Variants in STPG2 observed in about 807,000 individuals in gnomAD.
The protein encoded by STPG2 is sperm-tail PG-rich repeat-containing protein 2.
In STPG2, 56 loss-of-function variants were observed where a neutral mutation model predicts 54.2. The observed-to-expected ratio is 1.03, with a 90% CI of 0.83 to 1.29. The LOEUF (loss-of-function observed/expected upper bound fraction) is 1.29, where lower values mean the gene tolerates loss of function less well. Among genes scored for constraint, STPG2 ranks in the 50% most tolerant of loss-of-function variants. The pLI is 0.00. For synonymous variants in STPG2, 200 were observed against 181.8 expected, an observed-to-expected ratio of 1.10 and a Z score of -0.81; for missense variants, 596 against 544.9, an observed-to-expected ratio of 1.09 and a Z score of -0.93.
At chr4:97,466,132 A>G (rs561091484) in intron 4 of STPG2, among the ~76,000 whole-genome samples, 1 of 152,234 alleles carries the variant, frequency 6.6e-6, no homozygotes, top group East Asian at 1.9e-4. Flanking sequence ...AAAAAAGCAT[A>G]TCCATACCTA....
At chr4:97,515,979 CTT>C (rs1158808754) in intron 4 of STPG2, among the ~76,000 whole-genome samples, 3 of 152,042 alleles carry the variant, frequency 2.0e-5, no homozygotes, top group Non-Finnish European at 4.4e-5. Flanking sequence ...ATTTTTAACA[CTT>C]AATGCAAACA....
chr4:97,778,384 G>T (rs1200280027), intron 9 of STPG2, among the ~76,000 whole-genome samples: 1 of 152,198 alleles, frequency 6.6e-6, no homozygotes, highest in African/African-American at 2.4e-5. Context: ...GCGAGGCTGG[G>T]GGAGGGGCGT....
chr4:97,850,754 G>A (rs1056676852), intron 8 of STPG2, among the ~76,000 whole-genome samples: 1 of 152,052 alleles, frequency 6.6e-6, no homozygotes, highest in Admixed American at 6.6e-5. Context: ...GGTTAAAACT[G>A]TGCCAAATAA....
At chr4:97,716,662 A>T (rs1411635633) in intron 9 of STPG2, among the ~76,000 whole-genome samples, 1 of 150,738 alleles carries the variant, frequency 6.6e-6, no homozygotes, top group African/African-American at 2.4e-5. Context: ...GAACACATGG[A>T]CACAGGGAGG....
intron 4 of STPG2, among the ~76,000 whole-genome samples, chr4:97,523,861 A>G (rs1454798521): frequency 1.3e-5 from 2 of 152,032 alleles, no homozygotes; most frequent in African/African-American, 4.8e-5. Context: ...AATATCTATT[A>G]TTACAGATGC....
intron 5 of STPG2, among the ~76,000 whole-genome samples, chr4:98,013,815 T>A (rs7659801): frequency 0.39 from 59,757 of 151,574 alleles, 11,999 homozygotes; most frequent in Middle Eastern, 0.47. Flanking sequence ...AGTGGTGATA[T>A]CCCCTTTATT....
At chr4:97,877,321 C>T (rs1052127394) in intron 8 of STPG2, among the ~76,000 whole-genome samples, 1 of 152,044 alleles carries the variant, frequency 6.6e-6, no homozygotes, top group African/African-American at 2.4e-5. Flanking sequence ...GAAAACAAAT[C>T]ACCTGGTAAA....
chr4:97,767,767 G>A (rs1726097677), intron 9 of STPG2, among the ~76,000 whole-genome samples: 1 of 152,044 alleles, frequency 6.6e-6, no homozygotes, highest in Non-Finnish European at 1.5e-5. Context: ...GTTTGATTTG[G>A]CTTTTTCCTA....
intron 5 of STPG2, among the ~76,000 whole-genome samples, chr4:98,069,192 T>C (rs1737926441): frequency 6.6e-6 from 1 of 152,068 alleles, no homozygotes; most frequent in Non-Finnish European, 1.5e-5. Context: ...CACTGTACTA[T>C]CTAATTTATT....
intron 5 of STPG2, among the ~76,000 whole-genome samples, chr4:98,103,917 T>C (rs1444119574): frequency 1.3e-5 from 2 of 152,128 alleles, no homozygotes; most frequent in Non-Finnish European, 2.9e-5. Flanking sequence ...TCAGTATCTC[T>C]ACCCATAATT....
chr4:97,797,976 G>T (rs993877168), intron 9 of STPG2, among the ~76,000 whole-genome samples: 1 of 152,144 alleles, frequency 6.6e-6, no homozygotes, highest in African/African-American at 2.4e-5. Flanking sequence ...TATTTGCATA[G>T]AGGTGTTTAT....
At chr4:97,510,929 C>A (rs1244175899) in intron 4 of STPG2, among the ~76,000 whole-genome samples, 1 of 152,084 alleles carries the variant, frequency 6.6e-6, no homozygotes, top group East Asian at 1.9e-4. Context: ...GATAATGCCA[C>A]TGCACTATAG....
intron 9 of STPG2, among the ~76,000 whole-genome samples, chr4:97,792,171 G>T (rs1319499556): frequency 6.6e-6 from 1 of 152,074 alleles, no homozygotes. Flanking sequence ...CAAGTATAAG[G>T]ATGAAATTAA....
chr4:98,090,479 T>C (rs1738652005), intron 5 of STPG2, among the ~76,000 whole-genome samples: 1 of 152,142 alleles, frequency 6.6e-6, no homozygotes, highest in Non-Finnish European at 1.5e-5. Flanking sequence ...TAATTTGAAG[T>C]CTGGTAATGC....
chr4:97,877,982 G>A (rs1730238744), intron 8 of STPG2, among the ~76,000 whole-genome samples: 1 of 152,132 alleles, frequency 6.6e-6, no homozygotes, highest in Non-Finnish European at 1.5e-5. Context: ...ATTCCAAATG[G>A]GAAAAATTGG....
intron 10 of STPG2, among the ~76,000 whole-genome samples, chr4:97,663,151 G>C (rs1356953161): frequency 6.6e-6 from 1 of 151,922 alleles, no homozygotes; most frequent in Non-Finnish European, 1.5e-5. Flanking sequence ...TAGTATTATT[G>C]AGATGATAAA....
intron 4 of STPG2, among the ~76,000 whole-genome samples, chr4:97,548,073 C>T (rs943147121): frequency 1.3e-5 from 2 of 152,132 alleles, no homozygotes; most frequent in African/African-American, 2.4e-5. Context: ...TCGCTTGAAC[C>T]CTCGAGGCGG....
chr4:97,923,241 G>A lies in STPG2; in HGVS notation c.1044+20656C>T, dbSNP rs578197081. ...CCGGAGCCAGCTCCCTCAGCCTGCG[G>A]GGGGGTGTGGAGAGAGAGGCACAGG... On this transcript the variant is annotated intron_variant, in intron 8 of 10. Transcript: ENST00000295268. Among the ~76,000 whole-genome samples the A allele has an allele frequency of 1.3e-4, 20 of 152,366 alleles. No individual in the cohort carries two copies. In the South Asian group the frequency reaches 3.9e-3, roughly 30 times the overall value.
In STPG2 at chr4:98,143,131, C is replaced by T. The variant is rs746106460; in HGVS notation, c.20G>A (p.Arg7His). The T allele has an allele frequency of 3.1e-6, 5 of 1,613,492 alleles. No homozygotes were observed. The highest frequency in any genetic ancestry group is 3.4e-6 in the Non-Finnish European group (4 of 1,179,754). MYDRAP[R>H]LLKLAEGGST... Reference sequence around the variant, plus strand: ...GCCACCTTCAGCCAATTTGAGCAGGCGGGGAGCCCGATCATACATAGTGCT... The same window carrying T: ...GCCACCTTCAGCCAATTTGAGCAGGTGGGGAGCCCGATCATACATAGTGCT... The change falls in exon 1 of 11, where the codon CGC (arginine) becomes CAC (histidine). Residue 7 changes from arginine to histidine, a missense_variant. Coordinates refer to ENST00000295268, the MANE Select transcript of STPG2 (RefSeq NM_174952.3).
Sources: allele counts gnomAD v4.1 joint callset (sites outside exome capture counted in the v4.1 genomes callset), GRCh38; gene constraint gnomAD v4.1.1; transcripts MANE v1.5; gene names NCBI Gene and HGNC (gene_info 2026-07-23, HGNC 2026-07-21).